FAT3: variants seen among roughly 807,000 people sequenced by gnomAD.
FAT3 encodes the protein protocadherin Fat 3.
In FAT3, 95 loss-of-function variants were observed where a neutral mutation model predicts 310.2. The ratio of observed to expected loss-of-function variants is 0.31; its 90% confidence interval spans 0.26 to 0.36. The LOEUF (loss-of-function observed/expected upper bound fraction) is 0.36, where lower values mean the gene tolerates loss of function less well. Among genes scored for constraint, FAT3 ranks in the 10% least tolerant of loss-of-function variants. The pLI is 1.00. For synonymous variants in FAT3, 2,314 were observed against 2,192.9 expected, an observed-to-expected ratio of 1.06 and a Z score of -1.54; for missense variants, 5,408 against 5,715.6, an observed-to-expected ratio of 0.95 and a Z score of 1.74.
chr11:92,519,782 A>G (rs972901765), intron 2 of FAT3, among the ~76,000 whole-genome samples: 1 of 152,154 alleles, frequency 6.6e-6, no homozygotes, highest in Admixed American at 6.6e-5. Flanking sequence ...AAAGATGCTT[A>G]ACATCATAAA....
At chr11:92,291,280 T>C (rs1374006236) in intron 1 of FAT3, among the ~76,000 whole-genome samples, 2 of 152,118 alleles carry the variant, frequency 1.3e-5, no homozygotes, top group East Asian at 1.9e-4. Flanking sequence ...GAGGGGTTGA[T>C]GCTTTAAACA....
At chr11:92,624,359 A>C (rs1419494922) in intron 3 of FAT3, among the ~76,000 whole-genome samples, 6 of 152,212 alleles carry the variant, frequency 3.9e-5, no homozygotes, top group Non-Finnish European at 8.8e-5. Context: ...TGGATTTGAC[A>C]GTGGAGAAAT....
chr11:92,537,632 A>G (rs1233207480), intron 3 of FAT3, among the ~76,000 whole-genome samples: 1 of 152,124 alleles, frequency 6.6e-6, no homozygotes, highest in African/African-American at 2.4e-5. Flanking sequence ...TAGGGTGCCT[A>G]TGTGCATGAA....
At chr11:92,483,425 T>A (rs1042743311) in intron 2 of FAT3, among the ~76,000 whole-genome samples, 2 of 152,092 alleles carry the variant, frequency 1.3e-5, no homozygotes, top group Non-Finnish European at 2.9e-5. Context: ...AACCTCTGCC[T>A]CCTGGGTTCA....
At chr11:92,604,883 AGT>A (rs1415114357) in intron 3 of FAT3, among the ~76,000 whole-genome samples, 5 of 152,234 alleles carry the variant, frequency 3.3e-5, no homozygotes, top group Non-Finnish European at 7.3e-5. Flanking sequence ...GCATTAGCTA[AGT>A]GCCCATGAAC....
At chr11:92,667,560 G>A (rs1423397637) in intron 3 of FAT3, among the ~76,000 whole-genome samples, 1 of 152,212 alleles carries the variant, frequency 6.6e-6, no homozygotes, top group Non-Finnish European at 1.5e-5. Context: ...AGTGCTGACA[G>A]TCAAGATCTT....
chr11:92,283,853 A>C (rs541449107), intron 1 of FAT3, among the ~76,000 whole-genome samples: 2 of 152,202 alleles, frequency 1.3e-5, no homozygotes, highest in South Asian at 4.2e-4. Context: ...CCTACCCTTC[A>C]AACACCTTAA....
chr11:92,401,041 G>A (rs1358109179), intron 2 of FAT3, among the ~76,000 whole-genome samples: 1 of 152,144 alleles, frequency 6.6e-6, no homozygotes, highest in Non-Finnish European at 1.5e-5. Flanking sequence ...CATATATAGA[G>A]TTTGGAAGTC....
chr11:92,326,834 A>G (rs1218743178), intron 1 of FAT3, among the ~76,000 whole-genome samples: 1 of 152,218 alleles, frequency 6.6e-6, no homozygotes, highest in Non-Finnish European at 1.5e-5. Context: ...AGGGACCTAT[A>G]TTGACTCACT....
rs774898060 is a variant in FAT3, at chr11:92,800,876, A to G, written c.7863A>G (p.Gln2621=). The G allele has an allele frequency of 3.2e-5, 52 of 1,613,158 alleles. No homozygotes were observed. The Middle Eastern group carries it at 1.3e-3, about 41-fold the overall frequency. ...TTGGAAGGGGCCACTTGGTCACTCAAGTTCAAGCCATAGATCCCGATGATG... is the reference window on the plus strand; with the variant it reads ...TTGGAAGGGGCCACTTGGTCACTCAGGTTCAAGCCATAGATCCCGATGATG... ...ADVGRGHLVT[Q]VQAIDPDDGA... Residue 2621 remains glutamine (Q), a synonymous_variant, in exon 10 of 28, where the codon CAA becomes CAG. Coordinates refer to ENST00000525166, the MANE Select transcript of FAT3 (RefSeq NM_001367949.2).
chr11:92,856,661 G>A (rs1203365553), intron 19 of FAT3, among the ~76,000 whole-genome samples: 1 of 152,158 alleles, frequency 6.6e-6, no homozygotes, highest in Non-Finnish European at 1.5e-5. Flanking sequence ...CAATAACATA[G>A]CATGTAGTAG....
intron 2 of FAT3, among the ~76,000 whole-genome samples, chr11:92,375,250 C>T (rs1347329708): frequency 1.3e-5 from 2 of 152,062 alleles, no homozygotes; most frequent in Non-Finnish European, 2.9e-5. Context: ...CCTCCCACCT[C>T]AGTCTCCCAA....
intron 1 of FAT3, among the ~76,000 whole-genome samples, chr11:92,282,414 C>A (rs1591049648): frequency 6.6e-6 from 1 of 152,192 alleles, no homozygotes; most frequent in East Asian, 1.9e-4. Context: ...CCTATAATCT[C>A]AGCACTTTGG....
intron 3 of FAT3, among the ~76,000 whole-genome samples, chr11:92,675,374 C>A (rs1285369961): frequency 6.6e-6 from 1 of 152,152 alleles, no homozygotes; most frequent in Non-Finnish European, 1.5e-5. Context: ...TTCATCTTAA[C>A]AACACTTAAA....
chr11:92,306,744 A>T (rs1232514516), intron 1 of FAT3, among the ~76,000 whole-genome samples: 13 of 118,786 alleles, frequency 1.1e-4, no homozygotes, highest in Non-Finnish European at 1.7e-4. Context: ...TTTATATATA[A>T]ATATATATAA....
At chr11:92,643,566 A>G (rs949535358) in intron 3 of FAT3, among the ~76,000 whole-genome samples, 2 of 152,220 alleles carry the variant, frequency 1.3e-5, no homozygotes, top group Admixed American at 6.5e-5. Context: ...TCCAACAAGG[A>G]GGATGATGAG....
intron 1 of FAT3, among the ~76,000 whole-genome samples, chr11:92,286,851 G>A (rs717281): frequency 0.047 from 7,088 of 152,204 alleles, 318 homozygotes; most frequent in African/African-American, 0.11. Context: ...ACTTCAAGTT[G>A]ACTCATTACT....
chr11:92,786,172 A>T (rs999405713), intron 7 of FAT3, among the ~76,000 whole-genome samples: 2 of 152,194 alleles, frequency 1.3e-5, no homozygotes, highest in African/African-American at 4.8e-5. Context: ...TTAGCGATGT[A>T]AATGAAAGAA....
At chr11:92,578,476 C>G (rs887098534) in intron 3 of FAT3, among the ~76,000 whole-genome samples, 1 of 152,106 alleles carries the variant, frequency 6.6e-6, no homozygotes, top group African/African-American at 2.4e-5. Flanking sequence ...TACTGGAAGT[C>G]ACACATCTAA....
Sources: gnomAD v4.1 joint callset for allele counts (sites outside exome capture counted in the v4.1 genomes callset) on GRCh38, gnomAD v4.1.1 for gene constraint, MANE v1.5 for transcripts, NCBI Gene and HGNC (gene_info 2026-07-23, HGNC 2026-07-21) for gene names.